PDLIM5: variants seen among roughly 807,000 people sequenced by gnomAD.
PDLIM5 encodes the protein PDZ and LIM domain 5.
A neutral mutation model predicts 64.2 loss-of-function variants in PDLIM5; 34 were observed. That is an observed-to-expected ratio of 0.53 (90% CI 0.40 to 0.71). The LOEUF is 0.71. Among genes scored for constraint, PDLIM5 ranks in the 30% least tolerant of loss-of-function variants. The pLI is 0.00. For missense variants in PDLIM5, 683 were observed against 733.6 expected (o/e 0.93, Z 0.80); for synonymous variants, 253 against 269.1 (o/e 0.94, Z 0.59).
intron 7 of PDLIM5, among the ~76,000 whole-genome samples, chr4:94,590,347 A>T (rs1736580878): frequency 6.6e-6 from 1 of 152,102 alleles, no homozygotes; most frequent in Admixed American, 6.6e-5. Flanking sequence ...CAGATATGTA[A>T]TTTTGTAATT....
Position 94,523,810 on chromosome 4 carries a change from G to T in PDLIM5, c.183G>T (p.Met61Ile). Residue 61 changes from methionine (M) to isoleucine (I), a missense_variant, in exon 3 of 13, where the codon ATG becomes ATT. Transcript: ENST00000317968. Reference protein sequence around the residue: ...LSIDGINAQGMTHLEAQNKIK... With the variant: ...LSIDGINAQGITHLEAQNKIK... ...TTGATGGAATAAATGCACAAGGAATGACTCATCTTGAAGCCCAGAATAAGA... is the reference window on the plus strand; with the variant it reads ...TTGATGGAATAAATGCACAAGGAATTACTCATCTTGAAGCCCAGAATAAGA... The T allele has an allele frequency of 6.2e-7, 1 of 1,611,996 alleles. No individual in the cohort carries two copies. Among genetic ancestry groups the T allele is most frequent in the South Asian group, 1.1e-5 (1 of 91,032 alleles).
chr4:94,578,942 G>T (rs1380830743), intron 5 of PDLIM5, among the ~76,000 whole-genome samples: 5 of 151,978 alleles, frequency 3.3e-5, no homozygotes, highest in African/African-American at 1.2e-4. Context: ...TTAGTTTTTA[G>T]TTTTTAAGCT....
chr4:94,651,841 G>A (rs1741867567), intron 9 of PDLIM5, among the ~76,000 whole-genome samples: 1 of 152,176 alleles, frequency 6.6e-6, no homozygotes, highest in African/African-American at 2.4e-5. Context: ...GGAAGAGCAA[G>A]GGTGAATTTC....
chr4:94,491,369 A>G (rs1481873371), intron 2 of PDLIM5, among the ~76,000 whole-genome samples: 1 of 152,166 alleles, frequency 6.6e-6, no homozygotes, highest in African/African-American at 2.4e-5. Context: ...ATCATATTAT[A>G]GAACCTTTTA....
chr4:94,466,778 T>C (rs925599266), intron 2 of PDLIM5, among the ~76,000 whole-genome samples: 2 of 152,228 alleles, frequency 1.3e-5, no homozygotes, highest in Non-Finnish European at 2.9e-5. Context: ...TTTAATAATA[T>C]ATGATGTCAG....
intron 3 of PDLIM5, among the ~76,000 whole-genome samples, chr4:94,564,648 T>G (rs1482400260): frequency 1.6e-5 from 2 of 127,624 alleles, no homozygotes; most frequent in African/African-American, 6.9e-5. Flanking sequence ...AAAGGAGGAA[T>G]TTTGTCTCTT....
chr4:94,467,854 G>C (rs1476912757), intron 2 of PDLIM5, among the ~76,000 whole-genome samples: 1 of 152,160 alleles, frequency 6.6e-6, no homozygotes, highest in Non-Finnish European at 1.5e-5. Flanking sequence ...TCAAACAGGG[G>C]AATGAGTTAT....
At chr4:94,564,656 C>CTTTTTTTTT (rs768721210) in intron 3 of PDLIM5, among the ~76,000 whole-genome samples, 12,147 of 103,698 alleles carry the variant, frequency 0.12, 1,253 homozygotes, top group Non-Finnish European at 0.14. Flanking sequence ...AATTTTGTCT[C>CTTTTTTTTT]TTTTTTTTTT....
chr4:94,560,265 T>C (rs1213451511), intron 3 of PDLIM5, among the ~76,000 whole-genome samples: 2 of 152,336 alleles, frequency 1.3e-5, no homozygotes, highest in East Asian at 3.9e-4. Context: ...CAGAAACTAA[T>C]GTAGCTGCCA....
intron 3 of PDLIM5, among the ~76,000 whole-genome samples, chr4:94,546,620 A>G (rs974880841): frequency 2.0e-5 from 3 of 152,176 alleles, no homozygotes; most frequent in African/African-American, 4.8e-5. Context: ...TAAATTTGCT[A>G]TCATCAATAG....
At chr4:94,535,565 C>T (rs185028786) in intron 3 of PDLIM5, among the ~76,000 whole-genome samples, 1 of 152,216 alleles carries the variant, frequency 6.6e-6, no homozygotes. Flanking sequence ...CACCTGTAGC[C>T]ACCTGTTCAT....
intron 7 of PDLIM5, among the ~76,000 whole-genome samples, chr4:94,594,646 T>A (rs903596532): frequency 2.0e-5 from 3 of 152,076 alleles, no homozygotes. Context: ...TGTCAAAGTA[T>A]ATTTAAGTTA....
intron 7 of PDLIM5, among the ~76,000 whole-genome samples, chr4:94,599,878 A>G (rs1439253414): frequency 6.6e-6 from 1 of 152,174 alleles, no homozygotes; most frequent in Admixed American, 6.6e-5. Context: ...CAGGTTTATA[A>G]GAATAAGGCA....
chr4:94,511,291 T>C (rs1728847669), intron 2 of PDLIM5, among the ~76,000 whole-genome samples: 1 of 152,228 alleles, frequency 6.6e-6, no homozygotes, highest in Admixed American at 6.5e-5. Context: ...AACAGAAATT[T>C]TAGTGTGCAT....
chr4:94,456,905 A>G, intron 2 of PDLIM5: 3 of 1,031,188 alleles, frequency 2.9e-6, no homozygotes, highest in African/African-American at 1.7e-5. Context: ...CCCATTGTAT[A>G]TAACTGTGCT....
chr4:94,656,064 T>C (rs74730443), intron 10 of PDLIM5, among the ~76,000 whole-genome samples: 3,707 of 152,266 alleles, frequency 0.024, 156 homozygotes, highest in East Asian at 0.15. Context: ...TGATATTTTT[T>C]ATAAAAGAAA....
chr4:94,510,121 AC>A (rs1193922656), intron 2 of PDLIM5, among the ~76,000 whole-genome samples: 1 of 152,210 alleles, frequency 6.6e-6, no homozygotes, highest in African/African-American at 2.4e-5. Flanking sequence ...CTCAACTGTT[AC>A]CAGTGGAAAG....
At chr4:94,584,860 G>T in intron 5 of PDLIM5, 1 of 645,650 alleles carries the variant, frequency 1.5e-6, no homozygotes, top group Non-Finnish European at 2.7e-6. Flanking sequence ...ATAATTTCAA[G>T]AAGTTTGATT....
chr4:94,581,958 AT>A (rs1356357370), intron 5 of PDLIM5, among the ~76,000 whole-genome samples: 2 of 152,208 alleles, frequency 1.3e-5, no homozygotes, highest in Non-Finnish European at 2.9e-5. Flanking sequence ...GAGCTATGGA[AT>A]TCCCACAAAT....
Sources: gnomAD v4.1 joint callset for allele counts (sites outside exome capture counted in the v4.1 genomes callset) on GRCh38, gnomAD v4.1.1 for gene constraint, MANE v1.5 for transcripts, NCBI Gene and HGNC (gene_info 2026-07-23, HGNC 2026-07-21) for gene names.